The following CHD9 variants were observed in gnomAD, a reference collection of about 807,000 sequenced individuals.
CHD9 encodes ATP-dependent chromatin remodeler CHD9.
Under a neutral mutation model 316.1 loss-of-function variants are expected in CHD9, and 77 were observed. The ratio of observed to expected loss-of-function variants is 0.24; its 90% CI spans 0.20 to 0.29. The LOEUF (loss-of-function observed/expected upper bound fraction) is 0.29, where lower values mean the gene tolerates loss of function less well. Ranked by LOEUF, CHD9 falls within the 10% of genes least tolerant of loss-of-function variation. The pLI, the probability that CHD9 is intolerant of heterozygous loss-of-function variation, is 1.00. For missense variants in CHD9, 2,763 were observed against 3,438.1 expected, an observed-to-expected ratio of 0.80 and a Z score of 4.91; for synonymous variants, 1,129 against 1,158.3, an observed-to-expected ratio of 0.97 and a Z score of 0.51.
chr16:53,124,701 A>G (rs1210597234), intron 1 of CHD9, among the ~76,000 whole-genome samples: 9 of 151,942 alleles, frequency 5.9e-5, no homozygotes, highest in African/African-American at 1.2e-4. Flanking sequence ...GTTGGTCTTG[A>G]ATTCCTGATC....
At chr16:53,108,380 C>CTATA (rs2152597167) in intron 1 of CHD9, among the ~76,000 whole-genome samples, 1 of 151,990 alleles carries the variant, frequency 6.6e-6, no homozygotes, top group Admixed American at 6.6e-5. Context: ...TGGTGTGCAC[C>CTATA]TATAGTCCCA....
intron 1 of CHD9, among the ~76,000 whole-genome samples, chr16:53,105,672 C>T (rs1166235181): frequency 6.6e-6 from 1 of 152,084 alleles, no homozygotes; most frequent in Non-Finnish European, 1.5e-5. Flanking sequence ...GAGACTATGT[C>T]CAGGATATCA....
At position 53,255,825 on chromosome 16, in the gene CHD9, C is replaced by G. The variant is rs376016596; in HGVS notation, c.4209+46C>G. The G allele has an allele frequency of 1.6e-4, 240 of 1,529,674 alleles. 1 individual carries two copies. The highest frequency in any genetic ancestry group is 2.1e-4 in the Non-Finnish European group (228 of 1,111,440). The allele number at this position is 1,529,674 out of a possible 1,614,324, so 94.8% of individuals were successfully genotyped here. On this transcript the variant is annotated intron_variant, in intron 19 of 38. Coordinates refer to ENST00000447540, the MANE Select transcript of CHD9 (RefSeq NM_001308319.2). ...ATTAACATAGCAGTGATGTTCACAT[C>G]CTAACTACTGAGAAAGTTTAATTAT... is the stretch of plus-strand genomic sequence containing the variant.
chr16:53,297,245 T>G, intron 30 of CHD9, 87 bp downstream of exon 30: 3 of 965,256 alleles, frequency 3.1e-6, no homozygotes, highest in South Asian at 1.5e-5. Flanking sequence ...CTCTTTTATG[T>G]GAAATTTCAA....
intron 24 of CHD9, among the ~76,000 whole-genome samples, chr16:53,278,279 G>GA (rs1405189870): frequency 5.3e-5 from 8 of 151,918 alleles, no homozygotes; most frequent in African/African-American, 1.9e-4. Context: ...CATATGGAAT[G>GA]AAAAAAGAGC....
chr16:53,145,536 G>T (rs2040503059), intron 1 of CHD9, among the ~76,000 whole-genome samples: 1 of 151,702 alleles, frequency 6.6e-6, no homozygotes, highest in South Asian at 2.1e-4. Context: ...GCGAAACCCT[G>T]TCTCTACTAA....
chr16:53,230,453 C>A (rs1205040750), intron 8 of CHD9, among the ~76,000 whole-genome samples: 1 of 152,098 alleles, frequency 6.6e-6, no homozygotes, highest in Non-Finnish European at 1.5e-5. Context: ...ACCTCCATCT[C>A]TATTTTTTTT....
intron 1 of CHD9, among the ~76,000 whole-genome samples, chr16:53,106,352 G>GA (rs1252803780): frequency 1.3e-5 from 2 of 152,130 alleles, no homozygotes; most frequent in African/African-American, 2.4e-5. Flanking sequence ...GTTTGCATTT[G>GA]AAAAATGAAC....
intron 36 of CHD9, among the ~76,000 whole-genome samples, chr16:53,316,237 T>A (rs1231185600): frequency 1.3e-5 from 2 of 152,162 alleles, no homozygotes; most frequent in Non-Finnish European, 2.9e-5. Context: ...CTAAAAATAA[T>A]GGGAATCCTG....
intron 4 of CHD9, among the ~76,000 whole-genome samples, chr16:53,223,293 C>T (rs915656296): frequency 6.6e-6 from 1 of 150,514 alleles, no homozygotes; most frequent in Non-Finnish European, 1.5e-5. Context: ...CAAAATAACC[C>T]TCTGAAGTTA....
At chr16:53,197,740 C>T (rs1032101583) in intron 2 of CHD9, among the ~76,000 whole-genome samples, 10 of 151,736 alleles carry the variant, frequency 6.6e-5, no homozygotes, top group African/African-American at 2.4e-4. Flanking sequence ...CCGCAACCTC[C>T]GTCACCCTCC....
intron 2 of CHD9, chr16:53,208,055 A>G (rs1313867339): frequency 2.0e-6 from 2 of 994,248 alleles, no homozygotes; most frequent in East Asian, 1.1e-4. Context: ...GAATCTGGCT[A>G]TCTGCTTACA....
intron 24 of CHD9, among the ~76,000 whole-genome samples, chr16:53,276,978 C>T (rs938337224): frequency 4.6e-5 from 7 of 152,086 alleles, no homozygotes; most frequent in Non-Finnish European, 8.8e-5. Flanking sequence ...CTATGAATAC[C>T]TTTATGTACA....
chr16:53,204,054 TATATACACAC>T (rs1185824228), intron 2 of CHD9, among the ~76,000 whole-genome samples: 13 of 93,594 alleles, frequency 1.4e-4, no homozygotes, highest in South Asian at 7.5e-4. Flanking sequence ...AAAAAATATA[TATATACACAC>T]ACACACACAC....
chr16:53,156,958 C>G lies in CHD9; in HGVS notation c.869C>G (p.Ser290Cys), dbSNP rs2041562123. 6.2e-7 allele frequency: 1 copy of G among 1,613,450 alleles called. No homozygotes were observed. The highest frequency in any genetic ancestry group is 8.5e-7 in the Non-Finnish European group (1 of 1,179,620). Residue 290 changes from serine (S) to cysteine (C), a missense_variant, in exon 2 of 39, where the codon TCT becomes TGT. Physicochemically the swap from Ser to Cys is moderately radical, Grantham distance 112. Around this residue, in one of 15 missense-constraint regions of CHD9, gnomAD observed 859 missense variants for 890.4 expected, o/e 0.96. Transcript: ENST00000447540. ...HISPNSLLQS[S>C]AVLASNHTNQ... ...TCACCAAACAGTCTACTTCAGTCCT[C>G]TGCAGTTCTTGCATCTAATCATACA...
At chr16:53,144,714 C>T (rs939779081) in intron 1 of CHD9, among the ~76,000 whole-genome samples, 33 of 152,032 alleles carry the variant, frequency 2.2e-4, no homozygotes, top group African/African-American at 4.8e-4. Context: ...TTAGTAGAGA[C>T]GGGGTTTCAT....
intron 2 of CHD9, 52 bp from the exon 3 acceptor site, chr16:53,209,430 T>G: frequency 8.4e-7 from 1 of 1,188,074 alleles, no homozygotes. Flanking sequence ...TTGTGACAAT[T>G]GTTTTAGATG....
intron 27 of CHD9, among the ~76,000 whole-genome samples, chr16:53,290,784 C>G (rs8044969): frequency 6.6e-6 from 1 of 151,868 alleles, no homozygotes; most frequent in African/African-American, 2.4e-5. Flanking sequence ...TCTCGAAAAA[C>G]AAAAGAAAAA....
chr16:53,262,081 C>A (rs147643318), intron 19 of CHD9, among the ~76,000 whole-genome samples: 1 of 152,010 alleles, frequency 6.6e-6, no homozygotes, highest in Non-Finnish European at 1.5e-5. Flanking sequence ...GATAATTGGG[C>A]ATTATCTTAA....
Sources: gnomAD v4.1 joint callset for allele counts (sites outside exome capture counted in the v4.1 genomes callset) on GRCh38, gnomAD v4.1.1 for gene constraint, gnomAD v4.1.1 regional missense constraint, MANE v1.5 for transcripts, NCBI Gene and HGNC (gene_info 2026-07-23, HGNC 2026-07-21) for gene names.